Variants in MAPK8 observed in about 807,000 individuals in gnomAD.
The protein encoded by MAPK8 is JUN N-terminal kinase.
In MAPK8, 13 loss-of-function variants were observed where a neutral mutation model predicts 52.9. The ratio of observed to expected loss-of-function variants is 0.25; its 90% CI spans 0.16 to 0.39. MAPK8 has a LOEUF of 0.39. MAPK8 is among the 10% of genes least tolerant of loss of function. The probability of loss-of-function intolerance (pLI) is 1.00; values close to 1 mark genes in which losing one functional copy is unlikely to be tolerated. For synonymous variants in MAPK8, 191 were observed against 169.8 expected (o/e 1.12, Z -0.97); for missense variants, 300 against 519.2 (o/e 0.58, Z 4.10).
At chr10:48,355,862 T>C (rs1846867737) in intron 1 of MAPK8, among the ~76,000 whole-genome samples, 2 of 152,154 alleles carry the variant, frequency 1.3e-5, no homozygotes, top group African/African-American at 4.8e-5. Flanking sequence ...AAAAGATCTT[T>C]GATATATCTG....
intron 1 of MAPK8, among the ~76,000 whole-genome samples, chr10:48,396,445 G>A (rs532705368): frequency 3.3e-5 from 5 of 152,262 alleles, no homozygotes; most frequent in Admixed American, 2.0e-4. Context: ...CTGGCAAAAC[G>A]AAGAGTTGGT....
chr10:48,393,724 T>C (rs1016173068), intron 1 of MAPK8, among the ~76,000 whole-genome samples: 13 of 152,212 alleles, frequency 8.5e-5, no homozygotes, highest in African/African-American at 2.9e-4. Context: ...GCTTAAATGC[T>C]TATATTATAA....
chr10:48,334,413 A>G (rs1437233806), intron 1 of MAPK8, among the ~76,000 whole-genome samples: 1 of 151,982 alleles, frequency 6.6e-6, no homozygotes. Flanking sequence ...CACTTGCCTT[A>G]TATCTGGGAT....
intron 5 of MAPK8, among the ~76,000 whole-genome samples, chr10:48,415,682 G>C (rs977433189): frequency 6.6e-6 from 1 of 152,086 alleles, no homozygotes; most frequent in Non-Finnish European, 1.5e-5. Flanking sequence ...ATATGGTGGG[G>C]TCAGAGAGGA....
intron 5 of MAPK8, among the ~76,000 whole-genome samples, chr10:48,419,790 T>A (rs1020675227): frequency 3.9e-5 from 6 of 152,214 alleles, no homozygotes; most frequent in Non-Finnish European, 7.3e-5. Flanking sequence ...ATTGGTAATA[T>A]GTTATGCAAA....
Position 48,425,709 on chromosome 10 carries a change from A to T in MAPK8, c.689-179A>T, listed in dbSNP as rs2043638374. On this transcript the variant is annotated intron_variant, in intron 7 of 11. Transcript: ENST00000374189. ...TAAATAAGGTTAATAAAGCTTATTT[A>T]TTGATCATTTCTGTCCACCTACAAT... is the stretch of plus-strand genomic sequence containing the variant. 6 of 449,164 alleles carry T rather than the reference A, an allele frequency of 1.3e-5. No individual in the cohort carries two copies. In the East Asian group the frequency reaches 1.9e-4, roughly 15 times the overall value. 27.8% of individuals were successfully genotyped at this position (449,164 alleles called of 1,614,324 possible).
At chr10:48,381,591 T>C (rs1044027718) in intron 1 of MAPK8, among the ~76,000 whole-genome samples, 5 of 152,192 alleles carry the variant, frequency 3.3e-5, no homozygotes, top group African/African-American at 9.6e-5. Context: ...TAGAAAGATA[T>C]TTCTATAAAA....
intron 7 of MAPK8, chr10:48,424,362 G>T (rs1336349127): frequency 4.7e-6 from 3 of 641,008 alleles, no homozygotes; most frequent in Non-Finnish European, 5.3e-6. Flanking sequence ...AGTCTCTGCT[G>T]GTAGTCAGAG....
At chr10:48,412,831 A>G (rs908689652) in intron 5 of MAPK8, among the ~76,000 whole-genome samples, 3 of 152,342 alleles carry the variant, frequency 2.0e-5, no homozygotes, top group Middle Eastern at 3.4e-3. Context: ...CATTAAATCT[A>G]CAGTTCTGTG....
chr10:48,329,151 A>T (rs1040152502), intron 1 of MAPK8, among the ~76,000 whole-genome samples: 1 of 152,230 alleles, frequency 6.6e-6, no homozygotes, highest in Non-Finnish European at 1.5e-5. Flanking sequence ...AGGGTCATAC[A>T]CGAGTGGCAG....
intron 2 of MAPK8, among the ~76,000 whole-genome samples, chr10:48,404,061 G>C (rs1025336428): frequency 6.6e-6 from 1 of 151,884 alleles, no homozygotes; most frequent in Admixed American, 6.6e-5. Flanking sequence ...GGGATTACAG[G>C]CGTGAGCCAC....
intron 3 of MAPK8, among the ~76,000 whole-genome samples, chr10:48,408,834 G>T (rs1303206427): frequency 1.3e-5 from 2 of 152,146 alleles, no homozygotes; most frequent in Non-Finnish European, 2.9e-5. Context: ...TGGTCAATTT[G>T]ATTCTTGATG....
At chr10:48,406,958 C>T (rs1011685836) in intron 3 of MAPK8, among the ~76,000 whole-genome samples, 1 of 152,156 alleles carries the variant, frequency 6.6e-6, no homozygotes, top group Non-Finnish European at 1.5e-5. Context: ...CATCTGACTC[C>T]CGTTGTCTTT....
chr10:48,310,094 A>G (rs941909439), intron 1 of MAPK8, among the ~76,000 whole-genome samples: 1 of 152,226 alleles, frequency 6.6e-6, no homozygotes, highest in African/African-American at 2.4e-5. Context: ...CCTGTCATTC[A>G]GGTCAATAGG....
At position 48,403,849 on chromosome 10, in the gene MAPK8, C is replaced by T. The variant is rs545642712; in HGVS notation, c.123-1003C>T. ...CTGCAAGCTCCGCCTCCCGGGTTCA[C>T]GCCATTCTCCCGCCTCAGCCTCCGG... On this transcript the variant is annotated intron_variant, in intron 2 of 11. Transcript: ENST00000374189. Among the ~76,000 whole-genome samples, 31 of 150,760 alleles carry T rather than the reference C, an allele frequency of 2.1e-4. No individual in the cohort carries two copies. In the East Asian group the frequency reaches 6.0e-3, roughly 29 times the overall value.
At chr10:48,310,335 C>T (rs1259872394) in intron 1 of MAPK8, among the ~76,000 whole-genome samples, 2 of 152,056 alleles carry the variant, frequency 1.3e-5, no homozygotes, top group African/African-American at 2.4e-5. Flanking sequence ...TAATCAGAAG[C>T]CTAAGTTAAG....
intron 1 of MAPK8, among the ~76,000 whole-genome samples, chr10:48,381,071 C>T (rs535964578): frequency 2.4e-4 from 36 of 152,110 alleles, no homozygotes; most frequent in Non-Finnish European, 5.0e-4. Flanking sequence ...TTTACTATCT[C>T]CTGTTAACAC....
At chr10:48,387,587 A>C (rs924357458) in intron 1 of MAPK8, among the ~76,000 whole-genome samples, 1 of 152,154 alleles carries the variant, frequency 6.6e-6, no homozygotes, top group African/African-American at 2.4e-5. Flanking sequence ...ATTATACATG[A>C]ATTTAACTTT....
chr10:48,394,347 A>G (rs1346684275), intron 1 of MAPK8, among the ~76,000 whole-genome samples: 2 of 151,952 alleles, frequency 1.3e-5, no homozygotes, highest in Non-Finnish European at 2.9e-5. Context: ...AAAATCTTCA[A>G]TGAAATTTTA....
Sources: gnomAD v4.1 joint callset for allele counts (sites outside exome capture counted in the v4.1 genomes callset) on GRCh38, gnomAD v4.1.1 for gene constraint, MANE v1.5 for transcripts, NCBI Gene and HGNC (gene_info 2026-07-23, HGNC 2026-07-21) for gene names.